Variants in ITGAM observed in about 807,000 individuals in gnomAD.
ITGAM encodes the protein integrin alpha-M.
ITGAM carries 79 observed loss-of-function variants against 137.5 expected under a neutral mutation model. That is an observed-to-expected ratio of 0.57 (90% CI 0.48 to 0.69). ITGAM has a LOEUF of 0.69. Ranked by LOEUF, ITGAM falls within the 30% of genes least tolerant of loss-of-function variation. The probability of loss-of-function intolerance (pLI) is 0.00; values close to 1 mark genes in which losing one functional copy is unlikely to be tolerated. For missense variants in ITGAM, 1,343 were observed against 1,483.5 expected (o/e 0.91, Z 1.56); for synonymous variants, 583 against 592.3 (o/e 0.98, Z 0.23).
chr16:31,331,280 T>TC lies in ITGAM; in HGVS notation c.3387+9dup. ...ATCACCGCCGCGCTGTACAAGGTGC[T>TC]CCCCGCTGCTCCCCCACCCCCTCCC... On this transcript the variant is annotated splice_donor_region_variant and intron_variant, in intron 29 of 29. Transcript: ENST00000544665. 1 of 1,462,160 alleles carries TC rather than the reference T, an allele frequency of 6.8e-7. No individual in the cohort carries two copies. The highest frequency in any genetic ancestry group is 9.5e-7 in the Non-Finnish European group (1 of 1,054,826). 90.6% of individuals were successfully genotyped at this position (1,462,160 alleles called of 1,614,324 possible).
At chr16:31,271,783 GCTGGGAGATGT>G in intron 6 of ITGAM, 53 bp from the exon 7 acceptor site, 1 of 1,595,580 alleles carries the variant, frequency 6.3e-7, no homozygotes. Flanking sequence ...CGTGGAGCTT[GCTGGGAGATGT>G]CTGAGGGGTG....
intron 14 of ITGAM, among the ~76,000 whole-genome samples, chr16:31,310,980 C>A (rs2080323016): frequency 6.6e-6 from 1 of 152,096 alleles, no homozygotes; most frequent in Non-Finnish European, 1.5e-5. Flanking sequence ...AATAGTGCCG[C>A]ATATCTACAA....
intron 7 of ITGAM, among the ~76,000 whole-genome samples, chr16:31,272,423 CTATATATATATATATATATATATA>C (rs1307190696): frequency 0.018 from 572 of 31,524 alleles, 12 homozygotes; most frequent in Middle Eastern, 0.038. Context: ...GGCCAATTAA[CTATATATATATATATATATATATA>C]TATATATATA....
chr16:31,318,996 A>T (rs1160717099), intron 14 of ITGAM, among the ~76,000 whole-genome samples: 2 of 151,664 alleles, frequency 1.3e-5, no homozygotes, highest in Non-Finnish European at 2.9e-5. Flanking sequence ...TAATTTTTAC[A>T]TATGTATGTT....
At chr16:31,275,271 GCTCCCCTT>G (rs544843761) in intron 8 of ITGAM, among the ~76,000 whole-genome samples, 312 of 152,264 alleles carry the variant, frequency 2.0e-3, no homozygotes, top group Admixed American at 3.1e-3. Context: ...AAAGAAAAAG[GCTCCCCTT>G]CCTCTAGGGG....
chr16:31,264,071 C>T (rs1010713375), intron 2 of ITGAM, among the ~76,000 whole-genome samples: 3 of 151,814 alleles, frequency 2.0e-5, no homozygotes, highest in Non-Finnish European at 4.4e-5. Flanking sequence ...TTCCTGACCT[C>T]GTGATCCACT....
In ITGAM at chr16:31,324,222, G is replaced by A. The variant is rs2080480750; in HGVS notation, c.2003-177G>A. ...AAGGAAGGAAGGAAAGGGAGGAAGA[G>A]AGCGAGGAAAGAAAGAAAGAAAGAA... On this transcript the variant is annotated intron_variant, in intron 16 of 29. Coordinates refer to ENST00000544665, the MANE Select transcript of ITGAM (RefSeq NM_000632.4). This position sits in a 1 kb window ranked among gnomAD's most constrained non-coding sequence, Gnocchi z 4.5. Among the ~76,000 whole-genome samples, 2 of 150,406 alleles carry A rather than the reference G, an allele frequency of 1.3e-5. No homozygotes were observed. The highest frequency in any genetic ancestry group is 4.2e-4 in the South Asian group (2 of 4,742).
chr16:31,268,696 A>G (rs1221959339), intron 5 of ITGAM, among the ~76,000 whole-genome samples: 2 of 152,132 alleles, frequency 1.3e-5, no homozygotes, highest in Non-Finnish European at 2.9e-5. Context: ...CGAGCTCCTT[A>G]TTGGAGTAGA....
rs182173590 is a variant in ITGAM, at chr16:31,260,602, T to C, written c.28+510T>C. Among the ~76,000 whole-genome samples, 50 of 152,342 alleles carry C rather than the reference T, an allele frequency of 3.3e-4. 1 individual carries two copies. Among genetic ancestry groups the C allele is most frequent in the African/African-American group, 1.0e-3 (43 of 41,590 alleles). ...GGGAAGGAAATACTTGAGAGCTGCA[T>C]AGGAAGGAAATTATCTAATTAAGAA... On this transcript the variant is annotated intron_variant, in intron 1 of 29. Coordinates refer to ENST00000544665, the MANE Select transcript of ITGAM (RefSeq NM_000632.4).
chr16:31,306,310 C>T (rs541766112), intron 14 of ITGAM, among the ~76,000 whole-genome samples: 11 of 152,022 alleles, frequency 7.2e-5, no homozygotes, highest in Admixed American at 2.0e-4. Flanking sequence ...TGTAAAATAA[C>T]GATGATAATT....
Position 31,324,638 on chromosome 16 carries a change from G to A in ITGAM, c.2158-13G>A, listed in dbSNP as rs1038863198. 12 of 1,605,438 alleles carry A rather than the reference G, an allele frequency of 7.5e-6. No individual in the cohort carries two copies. Among genetic ancestry groups the A allele is most frequent in the African/African-American group, 2.7e-5 (2 of 74,634 alleles). On this transcript the variant is annotated splice_polypyrimidine_tract_variant and intron_variant, in intron 17 of 29. Transcript: ENST00000544665. The surrounding 1 kb of genome is among the most constrained non-coding windows in gnomAD (Gnocchi z 4.5). ...TGAGGAGGGCAGATCCCCAAATCCC[G>A]GCTATCTCTTAGAATTGCATCGAGG...
At chr16:31,266,283 G>A in intron 5 of ITGAM, 136 bp downstream of exon 5, 2 of 646,018 alleles carry the variant, frequency 3.1e-6, no homozygotes, top group Non-Finnish European at 5.5e-6. Context: ...AGAGTCAGAA[G>A]CTAGGGAGGT....
Position 31,330,148 on chromosome 16 carries a change from G to A in ITGAM, c.3044G>A (p.Arg1015Gln), listed in dbSNP as rs868496082. ...PSHSDFLAELRKAPVVNCSIA... is the reference protein window; with the variant it reads ...PSHSDFLAELQKAPVVNCSIA... ...CACTCCGACTTTCTGGCTGAGCTTC[G>A]GAAGGCCCCCGTGGTGGTGAGAAGC... The change falls in exon 26 of 30, where the codon CGG becomes CAG. Residue 1015 changes from arginine (R) to glutamine (Q), a missense_variant. By Grantham distance (43) the Arg-to-Gln change is conservative (BLOSUM62 1). Transcript: ENST00000544665. 4 of 1,613,372 alleles carry A rather than the reference G, an allele frequency of 2.5e-6. No homozygotes were observed. The highest frequency in any genetic ancestry group is 2.5e-6 in the Non-Finnish European group (3 of 1,179,714).
chr16:31,329,073 T>TTCCCCCCCCCCCCCCCCCCCC, intron 23 of ITGAM, 155 bp from the exon 24 acceptor site: 10 of 426,234 alleles, frequency 2.3e-5, no homozygotes, highest in South Asian at 4.3e-5. Context: ...ACACATTGGT[T>TTCCCCCCCCCCCCCCCCCCCC]CCCCCATCCC....
intron 8 of ITGAM, among the ~76,000 whole-genome samples, chr16:31,273,975 A>T (rs2144299205): frequency 6.6e-6 from 1 of 152,360 alleles, no homozygotes; most frequent in South Asian, 2.1e-4. Context: ...GCAAGAGAAC[A>T]GTGGAGATGT....
chr16:31,271,836 C>G lies in ITGAM; in HGVS notation c.559-11C>G. On this transcript the variant is annotated splice_polypyrimidine_tract_variant and intron_variant, in intron 6 of 29. Coordinates refer to ENST00000544665, the MANE Select transcript of ITGAM (RefSeq NM_000632.4). ...CCTTCTCCAGCATCACACCAGCCGC[C>G]CCCTCCGCAGTTCTCTTTGATGCAG... 4.3e-6 allele frequency: 7 copies of G among 1,613,926 alleles called. No homozygotes were observed. Among genetic ancestry groups the G allele is most frequent in the Non-Finnish European group, 5.1e-6 (6 of 1,179,854 alleles).
At chr16:31,272,081 G>T (rs1247581170) in intron 7 of ITGAM, 89 bp downstream of exon 7, 2 of 1,514,012 alleles carry the variant, frequency 1.3e-6, no homozygotes, top group Admixed American at 3.5e-5. Flanking sequence ...TCAGACAGGG[G>T]TGGTAGAGGA....
intron 14 of ITGAM, among the ~76,000 whole-genome samples, chr16:31,300,903 C>T (rs1390507526): frequency 6.6e-6 from 1 of 152,030 alleles, no homozygotes; most frequent in Non-Finnish European, 1.5e-5. Flanking sequence ...CAGAGGGAGA[C>T]CTTGTCTCAA....
At position 31,332,017 on chromosome 16, in the gene ITGAM, G is replaced by A. The variant is rs1245570612; in HGVS notation, c.*310G>A. On this transcript the variant is annotated 3_prime_UTR_variant, in exon 30 of 30. Transcript: ENST00000544665. ...TGCAAGTGTGTGCATGTGTGCGAGT[G>A]TGTGCATGTGTGTGCTCAGGGGCGT... The A allele has an allele frequency of 2.7e-6, 1 of 372,890 alleles. No homozygotes were observed. The highest frequency in any genetic ancestry group is 4.9e-5 in the East Asian group (1 of 20,574). 23.1% of individuals were successfully genotyped at this position (372,890 alleles called of 1,614,324 possible).
Sources: allele counts gnomAD v4.1 joint callset (sites outside exome capture counted in the v4.1 genomes callset), GRCh38; gene constraint gnomAD v4.1.1; non-coding constraint Gnocchi (gnomAD v3.1); transcripts MANE v1.5; gene names NCBI Gene and HGNC (gene_info 2026-07-23, HGNC 2026-07-21).